ATF2: variants seen among roughly 807,000 people sequenced by gnomAD.
ATF2 encodes the protein activating transcription factor 2, also known as cyclic AMP-dependent transcription factor ATF-2.
ATF2 carries 24 observed loss-of-function variants against 60.6 expected under a neutral mutation model. The observed-to-expected ratio is 0.40, with a 90% CI of 0.29 to 0.56. The LOEUF (loss-of-function observed/expected upper bound fraction) is 0.56, where lower values mean the gene tolerates loss of function less well. Among genes scored for constraint, ATF2 ranks in the 20% least tolerant of loss-of-function variants. The pLI is 0.54. For missense variants in ATF2, 433 were observed against 607.7 expected (o/e 0.71, Z 3.02); for synonymous variants, 206 against 215.4 (o/e 0.96, Z 0.38).
intron 13 of ATF2, among the ~76,000 whole-genome samples, chr2:175,078,690 T>C (rs1693546478): frequency 6.6e-6 from 1 of 152,176 alleles, no homozygotes; most frequent in South Asian, 2.1e-4. Context: ...TTTTTAAAGA[T>C]TTAGCTAGTA....
intron 5 of ATF2, among the ~76,000 whole-genome samples, chr2:175,120,696 TTATA>T (rs1005842651): frequency 6.6e-6 from 1 of 151,664 alleles, no homozygotes; most frequent in African/African-American, 2.4e-5. Context: ...GATCTGAAAT[TTATA>T]TAGTTTTGTT....
chr2:175,160,027 A>T (rs1186436626), intron 1 of ATF2, among the ~76,000 whole-genome samples: 1 of 152,242 alleles, frequency 6.6e-6, no homozygotes, highest in East Asian at 1.9e-4. Flanking sequence ...ACAGTAATTC[A>T]TAGTCATCAC....
intron 2 of ATF2, among the ~76,000 whole-genome samples, chr2:175,144,634 C>T (rs1432496440): frequency 6.6e-6 from 1 of 152,172 alleles, no homozygotes; most frequent in Admixed American, 6.5e-5. Flanking sequence ...ACTGCAGTGT[C>T]TGAGTCTAAG....
At chr2:175,166,690 A>G (rs1476363395) in intron 1 of ATF2, among the ~76,000 whole-genome samples, 1 of 152,246 alleles carries the variant, frequency 6.6e-6, no homozygotes, top group East Asian at 1.9e-4. Context: ...GACCAAAGCT[A>G]TATGGCTATT....
At chr2:175,091,512 AAAAAG>A (rs913581569) in intron 12 of ATF2, among the ~76,000 whole-genome samples, 3 of 152,250 alleles carry the variant, frequency 2.0e-5, no homozygotes, top group Admixed American at 6.5e-5. Context: ...ACTATTAAAA[AAAAAG>A]AAAATTTAGA....
chr2:175,114,335 C>G lies in ATF2; in HGVS notation c.627-227G>C, dbSNP rs926246281. 4 of 1,269,678 alleles carry G rather than the reference C, an allele frequency of 3.2e-6. No homozygotes were observed. In the Admixed American group the frequency reaches 1.6e-4, roughly 49 times the overall value. The allele number at this position is 1,269,678 out of a possible 1,614,324, so 78.7% of individuals were successfully genotyped here. ...AAGTTATGGATTTACTTAGGACAAT[C>G]TCCAATTTGTAAAATGAGAAAAACT... On this transcript the variant is annotated intron_variant, in intron 8 of 13. Transcript: ENST00000264110.
chr2:175,166,164 A>G (rs75274698), intron 1 of ATF2, among the ~76,000 whole-genome samples: 1 of 152,232 alleles, frequency 6.6e-6, no homozygotes, highest in South Asian at 2.1e-4. Flanking sequence ...TACAAAAAAA[A>G]GTCCCTGAAA....
intron 10 of ATF2, among the ~76,000 whole-genome samples, chr2:175,103,459 A>C (rs911114250): frequency 2.0e-5 from 3 of 152,080 alleles, no homozygotes; most frequent in African/African-American, 7.2e-5. Context: ...GTTTCTTTGG[A>C]GTGGGCTCAT....
Position 175,073,147 on chromosome 2 carries a change from G to A in ATF2, c.*1462C>T, listed in dbSNP as rs759545284. 2.0e-5 allele frequency: 3 copies of A among 152,000 alleles called. No homozygotes were observed. Among genetic ancestry groups the A allele is most frequent in the Non-Finnish European group, 4.4e-5 (3 of 68,000 alleles). The allele number at this position is 152,000 out of a possible 1,614,324, so 9.4% of individuals were successfully genotyped here. A position where few individuals can be genotyped will look rare whatever the true frequency, so the allele number is the denominator to read the frequency against. ...TAACTATTTTACAAAGTTTTCTTAC[G>A]CACATCTACTACTTTTAAAATTTTA... On this transcript the variant is annotated 3_prime_UTR_variant, in exon 14 of 14. Coordinates refer to ENST00000264110, the MANE Select transcript of ATF2 (RefSeq NM_001880.4).
At chr2:175,102,749 C>T (rs1044161217) in intron 10 of ATF2, among the ~76,000 whole-genome samples, 1 of 127,990 alleles carries the variant, frequency 7.8e-6, no homozygotes, top group African/African-American at 2.9e-5. Flanking sequence ...GACCCTGACT[C>T]AAAAAAAAGA....
intron 1 of ATF2, among the ~76,000 whole-genome samples, chr2:175,163,189 G>C (rs1244120690): frequency 6.7e-6 from 1 of 148,854 alleles, no homozygotes; most frequent in Non-Finnish European, 1.5e-5. Flanking sequence ...ATAAATGCAA[G>C]CAAACATACT....
rs145241336 is a variant in ATF2 at position 175,072,890 on chromosome 2, T to C, written c.*1719A>G. On this transcript the variant is annotated 3_prime_UTR_variant, in exon 14 of 14. Coordinates refer to ENST00000264110, the MANE Select transcript of ATF2 (RefSeq NM_001880.4). ...AGTCCTGAAATGTCATTTATATAAT[T>C]TGAATGTTTCCCAGTTTGGAACTTA... 3 of 152,274 alleles carry C rather than the reference T, an allele frequency of 2.0e-5. No homozygotes were observed. Among genetic ancestry groups the C allele is most frequent in the East Asian group, 3.9e-4 (2 of 5,190 alleles). 9.4% of individuals were successfully genotyped at this position (152,274 alleles called of 1,614,324 possible). A position where few individuals can be genotyped will look rare whatever the true frequency, so the allele number is the denominator to read the frequency against.
At chr2:175,138,973 A>G (rs1287014309) in intron 2 of ATF2, among the ~76,000 whole-genome samples, 1 of 152,244 alleles carries the variant, frequency 6.6e-6, no homozygotes, top group Non-Finnish European at 1.5e-5. Flanking sequence ...ATATTGTGCA[A>G]GGTTCTAAGC....
chr2:175,101,189 G>A (rs935361166), intron 10 of ATF2, among the ~76,000 whole-genome samples: 2 of 152,146 alleles, frequency 1.3e-5, no homozygotes, highest in Non-Finnish European at 2.9e-5. Flanking sequence ...GGATAATGTG[G>A]AAGTGGATGG....
At chr2:175,155,776 T>C (rs567264168) in intron 1 of ATF2, among the ~76,000 whole-genome samples, 7 of 152,298 alleles carry the variant, frequency 4.6e-5, no homozygotes, top group African/African-American at 1.4e-4. Flanking sequence ...AATGAATTAA[T>C]TCAAGCTTGT....
rs1427077296 is a variant in ATF2, at chr2:175,114,101, G to C, written c.634C>G (p.Pro212Ala). 19 of 1,594,612 alleles carry C rather than the reference G, an allele frequency of 1.2e-5. No homozygotes were observed. Among genetic ancestry groups the C allele is most frequent in the Middle Eastern group, 1.7e-4 (1 of 6,012 alleles). The change falls in exon 9 of 14, where the codon CCA becomes GCA. Residue 212 changes from proline to alanine, a missense_variant. Coordinates refer to ENST00000264110, the MANE Select transcript of ATF2 (RefSeq NM_001880.4). Reference protein sequence around the residue: ...PSSNRPIVPVPGPFPLLLHLP... With the variant: ...PSSNRPIVPVAGPFPLLLHLP... Reference sequence around the variant, plus strand: ...TGTAACAGAAGAGGAAATGGGCCTGGTACAGGGCTAAGAAAAACAAAAGAA... The same window carrying C: ...TGTAACAGAAGAGGAAATGGGCCTGCTACAGGGCTAAGAAAAACAAAAGAA...
chr2:175,080,096 T>G (rs1693662943), intron 13 of ATF2, among the ~76,000 whole-genome samples: 1 of 152,108 alleles, frequency 6.6e-6, no homozygotes, highest in South Asian at 2.1e-4. Context: ...AGCAGGAAAT[T>G]TACAAGCAGA....
At chr2:175,102,263 C>T (rs369446614) in intron 10 of ATF2, among the ~76,000 whole-genome samples, 217 of 152,260 alleles carry the variant, frequency 1.4e-3, no homozygotes, top group African/African-American at 5.2e-3. Context: ...TTTGTTGACT[C>T]CCAGTTCACC....
intron 12 of ATF2, among the ~76,000 whole-genome samples, chr2:175,090,855 G>A (rs796443827): frequency 4.6e-5 from 7 of 152,142 alleles, no homozygotes; most frequent in African/African-American, 1.7e-4. Context: ...CTACAATAAT[G>A]ACATTTTAAT....
Sources: gnomAD v4.1 joint callset for allele counts (sites outside exome capture counted in the v4.1 genomes callset) on GRCh38, gnomAD v4.1.1 for gene constraint, MANE v1.5 for transcripts, NCBI Gene and HGNC (gene_info 2026-07-23, HGNC 2026-07-21) for gene names.